The following PIEZO1 variants were observed in gnomAD, a reference collection of about 807,000 sequenced individuals.
PIEZO1 encodes piezo type mechanosensitive ion channel component 1 (Er blood group).
Under a neutral mutation model 297.2 loss-of-function variants are expected in PIEZO1, and 296 were observed. The ratio of observed to expected loss-of-function variants is 1.00; its 90% CI spans 0.91 to 1.10. The LOEUF (loss-of-function observed/expected upper bound fraction) is 1.10. Ranked by LOEUF, PIEZO1 falls within the 50% of genes least tolerant of loss-of-function variation. The pLI is 0.00. For synonymous variants in PIEZO1, 2,427 were observed against 1,507.5 expected (o/e 1.61, Z -14.13); for missense variants, 5,018 against 3,455.5 (o/e 1.45, Z -11.34).
chr16:88,728,179 C>T (rs146094596), intron 22 of PIEZO1, among the ~76,000 whole-genome samples: 3 of 152,306 alleles, frequency 2.0e-5, no homozygotes, highest in South Asian at 2.1e-4. Context: ...GCTGACGTGG[C>T]GTTCTGATAG....
intron 2 of PIEZO1, among the ~76,000 whole-genome samples, chr16:88,746,977 T>C (rs1203342934): frequency 6.6e-6 from 1 of 151,880 alleles, no homozygotes; most frequent in East Asian, 1.9e-4. Flanking sequence ...CCTGGAGGGG[T>C]TTGGGCCTCG....
Position 88,735,141 on chromosome 16 carries a change from C to T in PIEZO1, c.1663G>A (p.Asp555Asn), listed in dbSNP as rs1204910989. The T allele has an allele frequency of 1.3e-6, 2 of 1,549,718 alleles. No homozygotes were observed. Among genetic ancestry groups the T allele is most frequent in the African/African-American group, 2.7e-5 (2 of 73,054 alleles). Residue 555 changes from aspartate (D) to asparagine (N), a missense_variant, in exon 13 of 51, where the codon GAC (aspartate) becomes AAC (asparagine). Asp to Asn is a conservative substitution (Grantham distance 23, BLOSUM62 1). Transcript: ENST00000301015. The stretch of plus-strand genomic sequence containing the variant: ...CCTCTGGCCCACCACTCACCTGTGT[C>T]TGCCACGGTGACCTCCGTCAGCGCA... ...PAALTEVTVA[D>N]TEPTRTQTLL...
chr16:88,753,090 AGAGCACACCCACCGCCCCCC>A (rs1196244002), intron 1 of PIEZO1, among the ~76,000 whole-genome samples: 1 of 28,708 alleles, frequency 3.5e-5, no homozygotes, highest in African/African-American at 1.5e-4. Flanking sequence ...CACCGCCCCC[AGAGCACACCCACCGCCCCCC>A]AGAGCACACT....
chr16:88,727,161 C>G lies in PIEZO1; in HGVS notation c.3333G>C (p.Gln1111His). Reference sequence around the variant, plus strand: ...GCTCAGCTGAGAACACCTGCCACTGCTGGGAGGCGCACAGCAGCAGGAGAA... The same window carrying G: ...GCTCAGCTGAGAACACCTGCCACTGGTGGGAGGCGCACAGCAGCAGGAGAA... ...SDFLLLLCAS[Q>H]QWQVFSAERT... is the part of the protein sequence containing the mutation. The change falls in exon 24 of 51, where the codon CAG becomes CAC. Residue 1111 changes from glutamine to histidine, a missense_variant. Gln to His is a conservative substitution (Grantham distance 24, BLOSUM62 0). Transcript: ENST00000301015. 1 of 1,547,478 alleles carries G rather than the reference C, an allele frequency of 6.5e-7. No homozygotes were observed. The highest frequency in any genetic ancestry group is 8.7e-7 in the Non-Finnish European group (1 of 1,145,116).
chr16:88,732,288 C>T (rs1281147830), intron 21 of PIEZO1, 47 bp downstream of exon 21: 4 of 1,500,454 alleles, frequency 2.7e-6, no homozygotes, highest in South Asian at 2.4e-5. Context: ...TCCCTCCCTC[C>T]CGAAGGCCAA....
Position 88,715,646 on chromosome 16 carries a change from A to C in PIEZO1, c.7525T>G (p.Ser2509Ala), listed in dbSNP as rs1231782756. 1 of 1,550,050 alleles carries C rather than the reference A, an allele frequency of 6.5e-7. No homozygotes were observed. Among genetic ancestry groups the C allele is most frequent in the Non-Finnish European group, 8.7e-7 (1 of 1,146,928 alleles). The change falls in exon 51 of 51, where the codon TCA becomes GCA. Residue 2509 changes from serine to alanine, a missense_variant. Transcript: ENST00000301015. Reference sequence around the variant, plus strand: ...GTCCACTTGATCATGGTCTCCGGTGAGCGGTAGAGGAAGATGAGCTTGGCG... The same window carrying C: ...GTCCACTTGATCATGGTCTCCGGTGCGCGGTAGAGGAAGATGAGCTTGGCG... ...LYAKLIFLYR[S>A]PETMIKWTRE...
At chr16:88,717,589 G>C in intron 44 of PIEZO1, 1 of 470,196 alleles carries the variant, frequency 2.1e-6, no homozygotes, top group Non-Finnish European at 4.2e-6. Flanking sequence ...AGAACTTTTA[G>C]AAGAAAACGG....
chr16:88,780,245 G>C (rs1476058655), intron 1 of PIEZO1, among the ~76,000 whole-genome samples: 1 of 152,200 alleles, frequency 6.6e-6, no homozygotes, highest in Non-Finnish European at 1.5e-5. Context: ...CTTCCCACCA[G>C]TGTGATCTTG....
At chr16:88,733,522 A>T in intron 18 of PIEZO1, 66 bp downstream of exon 18, 1 of 1,529,196 alleles carries the variant, frequency 6.5e-7, no homozygotes, top group Non-Finnish European at 8.8e-7. Context: ...GGGCTTGGGG[A>T]GGCCAGCTGG....
At position 88,720,459 on chromosome 16, in the gene PIEZO1, CGGT is replaced by C; in HGVS notation, c.5872_5874del (p.Thr1958del). ...GCCAGGAACATGAGGGCATAGACGT[CGGT>C]GGCTGCGCGGTACTTGGTGTGCAGG... is the stretch of plus-strand genomic sequence containing the variant. On this transcript the variant is annotated inframe_deletion, in exon 41 of 51. Coordinates refer to ENST00000301015, the MANE Select transcript of PIEZO1 (RefSeq NM_001142864.4). The C allele has an allele frequency of 1.3e-6, 2 of 1,550,462 alleles. No individual in the cohort carries two copies. Among genetic ancestry groups the C allele is most frequent in the Non-Finnish European group, 1.7e-6 (2 of 1,146,968 alleles).
intron 18 of PIEZO1, 62 bp from the exon 19 acceptor site, chr16:88,733,516 T>C (rs1048766142): frequency 6.5e-7 from 1 of 1,531,358 alleles, no homozygotes; most frequent in Non-Finnish European, 8.8e-7. Context: ...GGGGCTGGGC[T>C]TGGGGAGGCC....
Position 88,722,858 on chromosome 16 carries a change from G to T in PIEZO1, c.4647C>A (p.Leu1549=). Reference sequence around the variant, plus strand: ...TCACCTGCAGGAGCTCCTGTGTGAGGAGGTAGCGCTCTGCCCGCAGCACGT... The same window carrying T: ...TCACCTGCAGGAGCTCCTGTGTGAGTAGGTAGCGCTCTGCCCGCAGCACGT... ...MSDVLRAERY[L]LTQELLQGGE... Residue 1549 remains leucine (L), a synonymous_variant, in exon 34 of 51, where the codon CTC becomes CTA. Coordinates refer to ENST00000301015, the MANE Select transcript of PIEZO1 (RefSeq NM_001142864.4). The T allele has an allele frequency of 6.5e-7, 1 of 1,547,436 alleles. No homozygotes were observed.
chr16:88,724,028 C>T (rs868308779), intron 30 of PIEZO1, 57 bp from the exon 31 acceptor site: 5 of 1,060,020 alleles, frequency 4.7e-6, no homozygotes, highest in Middle Eastern at 4.0e-4. Context: ...CCCAGCCAGA[C>T]CCCCTCCGCC....
chr16:88,743,516 T>G (rs770196707), intron 2 of PIEZO1: 3 of 456,080 alleles, frequency 6.6e-6, no homozygotes, highest in Non-Finnish European at 1.3e-5. Flanking sequence ...GGGTCCAAGG[T>G]GGTGAATGTC....
At position 88,720,130 on chromosome 16, in the gene PIEZO1, C is replaced by T. The variant is rs1462665165; in HGVS notation, c.6103G>A (p.Val2035Met). The T allele has an allele frequency of 5.8e-6, 9 of 1,550,320 alleles. No individual in the cohort carries two copies. The highest frequency in any genetic ancestry group is 7.8e-6 in the Non-Finnish European group (9 of 1,146,988). ...AGGTGGATGGCCAGCACCAGCGCCACCTGGAAGGCCAGCTTGCCCAGCACG... is the reference window on the plus strand; with the variant it reads ...AGGTGGATGGCCAGCACCAGCGCCATCTGGAAGGCCAGCTTGCCCAGCACG... ...KTVLGKLAFQ[V>M]ALVLAIHLWM... The change falls in exon 42 of 51, where the codon GTG becomes ATG. Residue 2035 changes from valine to methionine, a missense_variant. Transcript: ENST00000301015.
intron 1 of PIEZO1, among the ~76,000 whole-genome samples, chr16:88,758,142 G>T (rs1906763438): frequency 6.6e-6 from 1 of 152,120 alleles, no homozygotes; most frequent in South Asian, 2.1e-4. Flanking sequence ...AGCATGGGTG[G>T]GTTCCTGGAA....
chr16:88,723,089 A>ACGTACCTGC lies in PIEZO1; in HGVS notation c.4492_4495+5dup, dbSNP rs1157732928. On this transcript the variant is annotated splice_donor_region_variant and intron_variant, in intron 33 of 50. Transcript: ENST00000301015. ...CCTCCCACTCCCCAGCCCCGGGCCC[A>ACGTACCTGC]CGTACCTGCCGCTGCCTCCTCGGGG... is the stretch of plus-strand genomic sequence containing the variant. 12 of 1,547,114 alleles carry ACGTACCTGC rather than the reference A, an allele frequency of 7.8e-6. No homozygotes were observed. In the Admixed American group the frequency reaches 7.9e-5, roughly 10 times the overall value.
At position 88,721,718 on chromosome 16, in the gene PIEZO1, C is replaced by G; in HGVS notation, c.5223G>C (p.Val1741=). 4 of 1,541,964 alleles carry G rather than the reference C, an allele frequency of 2.6e-6. No homozygotes were observed. The highest frequency in any genetic ancestry group is 3.5e-6 in the Non-Finnish European group (4 of 1,143,134). Residue 1741 remains valine (V), a synonymous_variant, in exon 38 of 51, where the codon GTG becomes GTC. Coordinates refer to ENST00000301015, the MANE Select transcript of PIEZO1 (RefSeq NM_001142864.4). ...MTAIVFTEIA[V]VVKYLFQFGF... ...CAAACTGGAACAGGTACTTGACGAC[C>G]ACCGCGATCTGTGGGGGAGGGGGCT... is the stretch of plus-strand genomic sequence containing the variant.
intron 23 of PIEZO1, 73 bp downstream of exon 23, chr16:88,727,484 T>G: frequency 3.0e-6 from 2 of 674,132 alleles, no homozygotes; most frequent in Non-Finnish European, 5.1e-6. Context: ...TGTGCACACT[T>G]GTGAGCAGAT....
Sources: gnomAD v4.1 joint callset for allele counts (sites outside exome capture counted in the v4.1 genomes callset) on GRCh38, gnomAD v4.1.1 for gene constraint, MANE v1.5 for transcripts, NCBI Gene and HGNC (gene_info 2026-07-23, HGNC 2026-07-21) for gene names.